CALN1: variants seen among roughly 807,000 people sequenced by gnomAD.
CALN1 encodes the protein calneuron 1.
CALN1 carries 17 observed loss-of-function variants against 30.6 expected under a neutral mutation model. The observed-to-expected ratio is 0.56, with a 90% CI of 0.38 to 0.83. CALN1 has a LOEUF of 0.83. Ranked by LOEUF, CALN1 falls within the 40% of genes least tolerant of loss-of-function variation. The probability of loss-of-function intolerance (pLI) is 0.00; values close to 1 mark genes in which losing one functional copy is unlikely to be tolerated. For missense variants in CALN1, 291 were observed against 354.9 expected (o/e 0.82, Z 1.45); for synonymous variants, 156 against 131.4 (o/e 1.19, Z -1.28).
At chr7:72,247,987 GCT>G (rs1795307153) in intron 3 of CALN1, among the ~76,000 whole-genome samples, 1 of 152,150 alleles carries the variant, frequency 6.6e-6, no homozygotes, top group South Asian at 2.1e-4. Flanking sequence ...ACACAGTGAG[GCT>G]CTGTCTTTAA....
intron 2 of CALN1, among the ~76,000 whole-genome samples, chr7:72,310,401 T>G (rs1219750905): frequency 6.7e-6 from 1 of 149,574 alleles, no homozygotes; most frequent in East Asian, 2.0e-4. Context: ...TACTACCTAA[T>G]AACAATGGCA....
chr7:72,176,436 G>T (rs1274357310), intron 3 of CALN1, among the ~76,000 whole-genome samples: 2 of 152,164 alleles, frequency 1.3e-5, no homozygotes, highest in Non-Finnish European at 2.9e-5. Flanking sequence ...GCTTGGAGGT[G>T]TTTGGGTCAT....
intron 3 of CALN1, among the ~76,000 whole-genome samples, chr7:72,176,995 T>C (rs1411922308): frequency 1.3e-5 from 2 of 152,134 alleles, no homozygotes; most frequent in Non-Finnish European, 2.9e-5. Flanking sequence ...GAAACACCTA[T>C]TGTAATTTCT....
intron 1 of CALN1, among the ~76,000 whole-genome samples, chr7:72,430,066 C>T (rs951452674): frequency 2.6e-5 from 4 of 151,064 alleles, no homozygotes; most frequent in Non-Finnish European, 4.4e-5. Context: ...GGTGATCTGC[C>T]CACCTTGGTC....
chr7:72,270,989 G>C (rs1254620647), intron 3 of CALN1, among the ~76,000 whole-genome samples: 3 of 152,156 alleles, frequency 2.0e-5, no homozygotes, highest in Non-Finnish European at 4.4e-5. Flanking sequence ...AAGACTTACA[G>C]AATACGAAGA....
intron 5 of CALN1, among the ~76,000 whole-genome samples, chr7:71,905,044 T>G (rs1794055846): frequency 6.6e-6 from 1 of 152,146 alleles, no homozygotes; most frequent in Non-Finnish European, 1.5e-5. Context: ...GTTCAAGCAA[T>G]TCTCCTGCCT....
intron 2 of CALN1, among the ~76,000 whole-genome samples, chr7:72,386,679 A>G (rs867587672): frequency 4.1e-4 from 62 of 152,234 alleles, no homozygotes; most frequent in African/African-American, 1.4e-3. Context: ...TCTTTCACCC[A>G]ATCTGGAGTA....
chr7:72,460,405 G>A, the CALN1 span, among the ~76,000 whole-genome samples: 16 of 152,060 alleles, frequency 1.1e-4, no homozygotes, highest in African/African-American at 1.9e-4. Flanking sequence ...GCTGAGGTGG[G>A]TGGATAACCT....
intron 5 of CALN1, among the ~76,000 whole-genome samples, chr7:71,985,072 A>C (rs531500216): frequency 6.6e-6 from 1 of 152,284 alleles, no homozygotes; most frequent in South Asian, 2.1e-4. Flanking sequence ...AGAGTACAAC[A>C]ATGAATCAAA....
At position 72,303,725 on chromosome 7, in the gene CALN1, C is replaced by G. The variant is rs548589606; in HGVS notation, c.120-24915G>C. Reference sequence around the variant, plus strand: ...CTTTCCTCCTATAAATGTTACAGCACTAGGTGGGGTGTGCTGGCTCACATC... The same window carrying G: ...CTTTCCTCCTATAAATGTTACAGCAGTAGGTGGGGTGTGCTGGCTCACATC... On this transcript the variant is annotated intron_variant, in intron 2 of 6. Transcript: ENST00000395275. 9.2e-5 allele frequency among the ~76,000 whole-genome samples: 14 copies of G among 152,084 alleles called. No homozygotes were observed. The South Asian group carries it at 2.3e-3, about 25-fold the overall frequency.
intron 2 of CALN1, among the ~76,000 whole-genome samples, chr7:72,375,900 C>T (rs1430511835): frequency 6.6e-6 from 1 of 152,120 alleles, no homozygotes; most frequent in Non-Finnish European, 1.5e-5. Flanking sequence ...AAACAGAAAC[C>T]TCATTCTTCC....
chr7:72,419,856 C>G (rs961247069), intron 1 of CALN1, among the ~76,000 whole-genome samples: 1 of 152,138 alleles, frequency 6.6e-6, no homozygotes, highest in Non-Finnish European at 1.5e-5. Flanking sequence ...CCAGACATGG[C>G]TGAGCTTCAG....
chr7:72,393,577 A>C (rs925039834), intron 2 of CALN1, among the ~76,000 whole-genome samples: 9 of 152,202 alleles, frequency 5.9e-5, no homozygotes, highest in African/African-American at 2.2e-4. Context: ...CACTGCATGA[A>C]CATGTACTCT....
At chr7:72,100,908 G>A (rs1187622848) in intron 4 of CALN1, among the ~76,000 whole-genome samples, 1 of 150,412 alleles carries the variant, frequency 6.6e-6, no homozygotes, top group Non-Finnish European at 1.5e-5. Context: ...TATGTGTAAA[G>A]AAGTTGCTAA....
chr7:72,165,563 G>C (rs1050582982), intron 3 of CALN1, among the ~76,000 whole-genome samples: 3 of 151,960 alleles, frequency 2.0e-5, no homozygotes, highest in Non-Finnish European at 4.4e-5. Context: ...ACTCCAGCCT[G>C]GCCAACAGGG....
intron 3 of CALN1, among the ~76,000 whole-genome samples, chr7:72,207,811 T>G (rs947574300): frequency 2.0e-4 from 30 of 152,204 alleles, no homozygotes; most frequent in African/African-American, 7.0e-4. Flanking sequence ...TTTCTCTTAT[T>G]ATTCTTTATT....
chr7:71,814,296 T>A (rs1788134704), intron 5 of CALN1, among the ~76,000 whole-genome samples: 1 of 152,174 alleles, frequency 6.6e-6, no homozygotes, highest in Non-Finnish European at 1.5e-5. Flanking sequence ...AGTGTGTGTT[T>A]GTGTCGGGCA....
intron 5 of CALN1, among the ~76,000 whole-genome samples, chr7:71,834,045 A>C (rs1039979512): frequency 6.6e-6 from 1 of 151,928 alleles, no homozygotes; most frequent in Admixed American, 6.6e-5. Flanking sequence ...AACATGGTGA[A>C]ACCCCATCTC....
chr7:72,420,553 C>T (rs1257869331), intron 1 of CALN1, among the ~76,000 whole-genome samples: 1 of 151,770 alleles, frequency 6.6e-6, no homozygotes, highest in Non-Finnish European at 1.5e-5. Flanking sequence ...AAAAAATTCC[C>T]CCAAAGGCAA....
Sources: gnomAD v4.1 joint callset for allele counts (sites outside exome capture counted in the v4.1 genomes callset) on GRCh38, gnomAD v4.1.1 for gene constraint, MANE v1.5 for transcripts, NCBI Gene and HGNC (gene_info 2026-07-23, HGNC 2026-07-21) for gene names.